The following TAB1 variants were observed in gnomAD, a reference collection of about 807,000 sequenced individuals.
TAB1 encodes the protein TGF-beta activated kinase 1 (MAP3K7) binding protein 1.
TAB1 carries 30 observed loss-of-function variants against 54.5 expected under a neutral mutation model. The ratio of observed to expected loss-of-function variants is 0.55; its 90% CI spans 0.41 to 0.75. TAB1 has a LOEUF of 0.75. TAB1 is among the 30% of genes least tolerant of loss of function. The probability of loss-of-function intolerance (pLI) is 0.00; values close to 1 mark genes in which losing one functional copy is unlikely to be tolerated. For synonymous variants in TAB1, 289 were observed against 286.9 expected, an observed-to-expected ratio of 1.01 and a Z score of -0.07; for missense variants, 609 against 683.2, an observed-to-expected ratio of 0.89 and a Z score of 1.21.
chr22:39,426,668 G>C (rs762427569), intron 8 of TAB1, 35 bp from the exon 9 acceptor site: 2 of 1,564,258 alleles, frequency 1.3e-6, no homozygotes, highest in Non-Finnish European at 1.7e-6. Flanking sequence ...GCCGCACCTC[G>C]TTCCTTACCA....
At chr22:39,434,224 G>A (rs1255428906), downstream of TAB1, among the ~76,000 whole-genome samples, 2 of 152,236 alleles carry the variant, frequency 1.3e-5, no homozygotes, top group African/African-American at 2.4e-5. Flanking sequence ...TACAGGTGAC[G>A]GGAGCGTTAG....
Position 39,430,098 on chromosome 22 carries a change from C to T in TAB1, c.1391C>T (p.Ser464Phe), listed in dbSNP as rs748231778. ...SSSSDGGLFR[S>F]RPAHSLPPGE... ...AGCTCTGACGGAGGCCTCTTCCGCT[C>T]CCGGCCCGCCCACTCGCTCCCGCCT... Residue 464 changes from serine (S) to phenylalanine (F), a missense_variant, in exon 11 of 11, where the codon TCC (serine) becomes TTC (phenylalanine). Physicochemically the swap from Ser to Phe is radical, Grantham distance 155 (BLOSUM62 -2). Coordinates refer to ENST00000216160, the MANE Select transcript of TAB1 (RefSeq NM_006116.3). 1.2e-6 allele frequency: 2 copies of T among 1,614,068 alleles called. No individual in the cohort carries two copies. Among genetic ancestry groups the T allele is most frequent in the South Asian group, 1.1e-5 (1 of 91,082 alleles).
chr22:39,432,656 G>A (rs908557602), downstream of TAB1: 2 of 728,650 alleles, frequency 2.7e-6, no homozygotes, highest in South Asian at 6.2e-5. Context: ...GAGAGAGAGA[G>A]AGACATGGTG....
chr22:39,422,176 A>G (rs1927121343), intron 8 of TAB1, among the ~76,000 whole-genome samples: 1 of 152,154 alleles, frequency 6.6e-6, no homozygotes, highest in Admixed American at 6.6e-5. Flanking sequence ...AAGCAGTGCC[A>G]GTCCTCAGGG....
At chr22:39,436,810 A>C (rs1337086517), downstream of TAB1, 1 of 549,312 alleles carries the variant, frequency 1.8e-6, no homozygotes, top group South Asian at 2.2e-5. Context: ...TTATCCCCCA[A>C]GGCTGTCCTC....
intron 1 of TAB1, among the ~76,000 whole-genome samples, chr22:39,406,971 G>A (rs1926395088): frequency 6.6e-6 from 1 of 152,220 alleles, no homozygotes; most frequent in South Asian, 2.1e-4. Context: ...GGAACAGTGA[G>A]TAGAAGGCCT....
intron 1 of TAB1, among the ~76,000 whole-genome samples, chr22:39,406,397 CAAAAAAAA>C (rs11290078): frequency 1.5e-4 from 11 of 73,776 alleles, no homozygotes; most frequent in Non-Finnish European, 2.3e-4. Flanking sequence ...AGACTGTCAC[CAAAAAAAA>C]AAAAAAAAAA....
At chr22:39,400,754 C>T (rs1353632871) in intron 1 of TAB1, among the ~76,000 whole-genome samples, 1 of 152,094 alleles carries the variant, frequency 6.6e-6, no homozygotes, top group Non-Finnish European at 1.5e-5. Context: ...AAGTAAACTC[C>T]GCCGGGCGCG....
chr22:39,432,720 A>T (rs9611174), downstream of TAB1: 584 of 985,016 alleles, frequency 5.9e-4, 1 homozygote, highest in African/African-American at 9.2e-3. Context: ...AGTGGCCACC[A>T]TGCAACTCTG....
intron 1 of TAB1, among the ~76,000 whole-genome samples, chr22:39,400,210 C>A (rs548026106): frequency 1.3e-5 from 2 of 152,372 alleles, no homozygotes; most frequent in South Asian, 4.1e-4. Context: ...CCGCTTACTG[C>A]ATCCCCGGCG....
chr22:39,401,791 G>A (rs962157387), intron 1 of TAB1, among the ~76,000 whole-genome samples: 1 of 152,188 alleles, frequency 6.6e-6, no homozygotes, highest in Admixed American at 6.5e-5. Flanking sequence ...TGATGATCAG[G>A]ACATCCCTCT....
intron 10 of TAB1, 90 bp downstream of exon 10, chr22:39,428,273 G>T: frequency 1.2e-6 from 1 of 854,652 alleles, no homozygotes. Context: ...TGGGGCCAAG[G>T]CTTGTGGATG....
intron 1 of TAB1, among the ~76,000 whole-genome samples, chr22:39,408,491 G>C (rs759854321): frequency 6.6e-6 from 1 of 152,160 alleles, no homozygotes. Flanking sequence ...TTTCACTGGC[G>C]TTTTTTGTTT....
intron 1 of TAB1, among the ~76,000 whole-genome samples, chr22:39,405,536 C>T (rs1926323863): frequency 1.3e-5 from 2 of 152,164 alleles, no homozygotes; most frequent in Admixed American, 1.3e-4. Context: ...TTGCTCCCTG[C>T]GCTCCAGCGC....
intron 8 of TAB1, among the ~76,000 whole-genome samples, chr22:39,424,438 C>CTTTTTTTTTTTTTT (rs762665225): frequency 2.9e-4 from 26 of 89,454 alleles, no homozygotes; most frequent in East Asian, 3.7e-4. Flanking sequence ...GTTCTGATTT[C>CTTTTTTTTTTTTTT]TTTTTTTTTT....
At chr22:39,421,103 G>T (rs557924161) in intron 7 of TAB1, among the ~76,000 whole-genome samples, 1 of 151,482 alleles carries the variant, frequency 6.6e-6, no homozygotes, top group African/African-American at 2.4e-5. Context: ...ACCCTAAGGT[G>T]TAATTGGCAT....
intron 1 of TAB1, among the ~76,000 whole-genome samples, chr22:39,400,637 A>C (rs1161909637): frequency 6.6e-6 from 1 of 152,186 alleles, no homozygotes; most frequent in Non-Finnish European, 1.5e-5. Flanking sequence ...ACATGTTGGC[A>C]CCATGGACTA....
chr22:39,436,476 C>G (rs199843919), downstream of TAB1: 6 of 1,608,792 alleles, frequency 3.7e-6, no homozygotes, highest in East Asian at 1.1e-4. Context: ...ATGAAGTTTC[C>G]TCCTGATTTT....
chr22:39,428,315 C>A, intron 10 of TAB1, 132 bp downstream of exon 10: 1 of 569,742 alleles, frequency 1.8e-6, no homozygotes. Flanking sequence ...TCCCCAGCTC[C>A]GTGCCTGGTG....
Sources: allele counts gnomAD v4.1 joint callset (sites outside exome capture counted in the v4.1 genomes callset), GRCh38; gene constraint gnomAD v4.1.1; transcripts MANE v1.5; gene names NCBI Gene and HGNC (gene_info 2026-07-23, HGNC 2026-07-21).